CTNNA3: variants seen among roughly 807,000 people sequenced by gnomAD.
CTNNA3 encodes the protein catenin alpha 3, also known as catenin alpha-3.
Under a neutral mutation model 95.7 loss-of-function variants are expected in CTNNA3, and 76 were observed. The ratio of observed to expected loss-of-function variants is 0.79; its 90% confidence interval spans 0.66 to 0.96. The LOEUF (loss-of-function observed/expected upper bound fraction) is 0.96, where lower values mean the gene tolerates loss of function less well. Ranked by LOEUF, CTNNA3 falls within the 40% of genes least tolerant of loss-of-function variation. The pLI, the probability that CTNNA3 is intolerant of heterozygous loss-of-function variation, is 0.00. For synonymous variants in CTNNA3, 431 were observed against 374.4 expected (o/e 1.15, Z -1.74); for missense variants, 1,191 against 1,089.8 (o/e 1.09, Z -1.31).
intron 7 of CTNNA3, among the ~76,000 whole-genome samples, chr10:67,084,410 T>C (rs1400462857): frequency 6.6e-6 from 1 of 152,000 alleles, no homozygotes; most frequent in Non-Finnish European, 1.5e-5. Context: ...ACATCATGAA[T>C]ACATTTTAAA....
At chr10:66,745,266 A>T (rs748898354) in intron 9 of CTNNA3, among the ~76,000 whole-genome samples, 10 of 152,208 alleles carry the variant, frequency 6.6e-5, no homozygotes, top group Admixed American at 1.3e-4. Flanking sequence ...TAAATATTTT[A>T]AAACTTGATG....
At chr10:66,060,174 G>A (rs1422058004) in intron 15 of CTNNA3, among the ~76,000 whole-genome samples, 1 of 151,980 alleles carries the variant, frequency 6.6e-6, no homozygotes, top group African/African-American at 2.4e-5. Flanking sequence ...TGGGTCTCAA[G>A]TGTTATGAAA....
intron 9 of CTNNA3, among the ~76,000 whole-genome samples, chr10:66,640,575 A>C (rs948731660): frequency 3.9e-5 from 6 of 152,134 alleles, no homozygotes; most frequent in Admixed American, 2.6e-4. Flanking sequence ...CTCCCCAGTA[A>C]ATCTTCAGGA....
intron 10 of CTNNA3, among the ~76,000 whole-genome samples, chr10:66,616,828 T>C (rs1191642156): frequency 6.6e-6 from 1 of 151,992 alleles, no homozygotes; most frequent in Non-Finnish European, 1.5e-5. Flanking sequence ...ATACATAAAA[T>C]AGTCACTGTA....
intron 7 of CTNNA3, among the ~76,000 whole-genome samples, chr10:66,789,193 G>T (rs144751626): frequency 1.3e-5 from 2 of 151,820 alleles, no homozygotes; most frequent in South Asian, 4.1e-4. Flanking sequence ...TTTTGTTGTT[G>T]TTTTTTAAGT....
chr10:67,720,128 G>GTTTTTTTTT (rs1564839853), intron 1 of CTNNA3, among the ~76,000 whole-genome samples: 1 of 2,660 alleles, frequency 3.8e-4, no homozygotes, highest in Non-Finnish European at 1.2e-3. Context: ...TGCAACCCCT[G>GTTTTTTTTT]CTTTTTTTTT....
intron 7 of CTNNA3, among the ~76,000 whole-genome samples, chr10:66,985,899 T>C (rs1161635692): frequency 6.6e-6 from 1 of 152,014 alleles, no homozygotes; most frequent in Non-Finnish European, 1.5e-5. Flanking sequence ...AGCTAATTTT[T>C]GTATTTTTAG....
chr10:67,624,985 G>A (rs1843981790), intron 2 of CTNNA3, among the ~76,000 whole-genome samples: 1 of 152,106 alleles, frequency 6.6e-6, no homozygotes, highest in African/African-American at 2.4e-5. Flanking sequence ...TCTGTGAAGA[G>A]TCCCTCTTGT....
At chr10:66,749,892 T>C (rs1455047608) in intron 9 of CTNNA3, among the ~76,000 whole-genome samples, 1 of 152,250 alleles carries the variant, frequency 6.6e-6, no homozygotes, top group African/African-American at 2.4e-5. Context: ...ATTGCCAGTA[T>C]CTTGGATTTT....
At chr10:67,510,339 T>C (rs996858157) in intron 5 of CTNNA3, among the ~76,000 whole-genome samples, 5 of 152,218 alleles carry the variant, frequency 3.3e-5, no homozygotes, top group African/African-American at 9.6e-5. Flanking sequence ...TTTAAGTCTT[T>C]AATTCATCTT....
chr10:67,690,094 T>C (rs1840813243), intron 1 of CTNNA3, among the ~76,000 whole-genome samples: 1 of 152,120 alleles, frequency 6.6e-6, no homozygotes, highest in African/African-American at 2.4e-5. Flanking sequence ...TTCCTTCAGA[T>C]GTTCATATGT....
chr10:67,015,865 A>AT (rs947704306), intron 7 of CTNNA3, among the ~76,000 whole-genome samples: 1 of 151,682 alleles, frequency 6.6e-6, no homozygotes. Flanking sequence ...ATTTTGTCAG[A>AT]TTTTTTTCCA....
chr10:66,806,376 G>T (rs1365525085), intron 7 of CTNNA3, among the ~76,000 whole-genome samples: 2 of 151,426 alleles, frequency 1.3e-5, no homozygotes, highest in Non-Finnish European at 2.9e-5. Flanking sequence ...GGAAATTGAG[G>T]TTTAGAGAGA....
chr10:66,250,656 A>ATTATTT, intron 13 of CTNNA3, among the ~76,000 whole-genome samples: 1 of 64,762 alleles, frequency 1.5e-5, no homozygotes, highest in Non-Finnish European at 4.3e-5. Flanking sequence ...TTGTTGTTTT[A>ATTATTT]TCATTATCAG....
At chr10:67,290,126 T>C (rs10762158) in intron 5 of CTNNA3, among the ~76,000 whole-genome samples, 31,039 of 152,038 alleles carry the variant, frequency 0.2, 4,067 homozygotes, top group South Asian at 0.38. Flanking sequence ...GAATCTCTAT[T>C]AGCAGTCTTT....
chr10:67,479,061 C>T (rs1382143065), intron 5 of CTNNA3, among the ~76,000 whole-genome samples: 1 of 152,038 alleles, frequency 6.6e-6, no homozygotes, highest in Admixed American at 6.6e-5. Context: ...CTTAAATATC[C>T]TAAATATATA....
At chr10:66,531,473 T>C (rs1205305421) in intron 10 of CTNNA3, among the ~76,000 whole-genome samples, 2 of 152,308 alleles carry the variant, frequency 1.3e-5, no homozygotes, top group African/African-American at 2.4e-5. Flanking sequence ...ATTCAAGCAA[T>C]GCTCCTGGCT....
At chr10:66,066,183 T>C (rs576436138) in intron 15 of CTNNA3, among the ~76,000 whole-genome samples, 2 of 152,268 alleles carry the variant, frequency 1.3e-5, no homozygotes, top group Non-Finnish European at 2.9e-5. Context: ...TATTATAATA[T>C]AACTATTATA....
chr10:66,444,045 G>A (rs899805521), intron 11 of CTNNA3, among the ~76,000 whole-genome samples: 28 of 152,248 alleles, frequency 1.8e-4, no homozygotes, highest in African/African-American at 5.8e-4. Flanking sequence ...CTCAGGAGCC[G>A]ATGCGATCAA....
Sources: gnomAD v4.1 joint callset for allele counts (sites outside exome capture counted in the v4.1 genomes callset) on GRCh38, gnomAD v4.1.1 for gene constraint, MANE v1.5 for transcripts, NCBI Gene and HGNC (gene_info 2026-07-23, HGNC 2026-07-21) for gene names.